Variants in NIN observed in about 807,000 individuals in gnomAD.
NIN encodes the protein ninein.
In NIN, 137 loss-of-function variants were observed where a neutral mutation model predicts 257.6. That is an observed-to-expected ratio of 0.53 (90% CI 0.46 to 0.61). The LOEUF is 0.61. Among genes scored for constraint, NIN ranks in the 20% least tolerant of loss-of-function variants. The probability of loss-of-function intolerance (pLI) is 0.00; values close to 1 mark genes in which losing one functional copy is unlikely to be tolerated. For missense variants in NIN, 2,439 were observed against 2,501.2 expected (o/e 0.98, Z 0.53); for synonymous variants, 918 against 919.8 (o/e 1.00, Z 0.04).
chr14:50,809,837 T>G (rs2044498582), intron 3 of NIN, among the ~76,000 whole-genome samples: 1 of 152,158 alleles, frequency 6.6e-6, no homozygotes, highest in Admixed American at 6.5e-5. Context: ...ATAAGCTTCA[T>G]TTATATGGAG....
At chr14:50,789,486 G>T (rs2043489710) in intron 5 of NIN, among the ~76,000 whole-genome samples, 1 of 152,214 alleles carries the variant, frequency 6.6e-6, no homozygotes, top group Non-Finnish European at 1.5e-5. Flanking sequence ...GTGGAGAATT[G>T]CTTGAACCTG....
Position 50,756,643 on chromosome 14 carries a change from C to T in NIN, c.4387G>A (p.Glu1463Lys). The change falls in exon 18 of 31, where the codon GAG (glutamate) becomes AAG (lysine). Residue 1463 changes from glutamate (E) to lysine (K), a missense_variant. Glu to Lys is a moderately conservative substitution (Grantham distance 56). Around this residue, in one of 3 missense-constraint regions of NIN, gnomAD observed 2,043 missense variants for 2,050.2 expected, o/e 1.00. Coordinates refer to ENST00000530997, the MANE Select transcript of NIN (RefSeq NM_020921.4). ...ELELEKTKLQ[E>K]LTRKLKERVT... ...CTCTCCTTCAACTTCCTAGTCAGCT[C>T]CTGTAACTTTGTTTTCTCCAGTTCT... 1 of 1,555,560 alleles carries T rather than the reference C, an allele frequency of 6.4e-7. No homozygotes were observed. The highest frequency in any genetic ancestry group is 8.7e-7 in the Non-Finnish European group (1 of 1,148,624).
In NIN at chr14:50,760,275, C is replaced by T. The variant is rs772894831; in HGVS notation, c.1981G>A (p.Glu661Lys). 15 of 1,610,240 alleles carry T rather than the reference C, an allele frequency of 9.3e-6. No individual in the cohort carries two copies. Among genetic ancestry groups the T allele is most frequent in the Admixed American group, 1.7e-5 (1 of 59,992 alleles). Reference sequence around the variant, plus strand: ...ATTTGTTTTTCTAAGGTGTGCGTTTCGTTCTCATGCCTTTGCTTCATGTTC... The same window carrying T: ...ATTTGTTTTTCTAAGGTGTGCGTTTTGTTCTCATGCCTTTGCTTCATGTTC... ...QENMKQRHEN[E>K]THTLEKQISD... Residue 661 changes from glutamate (E) to lysine (K), a missense_variant, in exon 17 of 31, where the codon GAA becomes AAA. Glu to Lys is a moderately conservative substitution (Grantham distance 56, BLOSUM62 1). Coordinates refer to ENST00000530997, the MANE Select transcript of NIN (RefSeq NM_020921.4).
chr14:50,739,431 C>A lies in NIN; in HGVS notation c.5505G>T (p.Arg1835Ser), dbSNP rs199554057. 1.2e-6 allele frequency: 2 copies of A among 1,614,214 alleles called. No individual in the cohort carries two copies. The highest frequency in any genetic ancestry group is 1.7e-6 in the Non-Finnish European group (2 of 1,180,034). ...HPSGLHNQQK[R>S]LSWDKLDHLM... ...GATGATCCAACTTGTCCCAGGACAG[C>A]CTTTTCTGCTGGTTATGGAGCCCTG... The change falls in exon 26 of 31, where the codon AGG becomes AGT. Residue 1835 changes from arginine (R) to serine (S), a missense_variant. Around this residue, in one of 3 missense-constraint regions of NIN, gnomAD observed 2,043 missense variants for 2,050.2 expected, o/e 1.00. Coordinates refer to ENST00000530997, the MANE Select transcript of NIN (RefSeq NM_020921.4).
chr14:50,735,407 T>C (rs2040927063), intron 28 of NIN, 109 bp downstream of exon 28: 2 of 1,429,788 alleles, frequency 1.4e-6, no homozygotes, highest in South Asian at 1.5e-5. Flanking sequence ...GCAGTGTACT[T>C]AGATTTTCAC....
rs374545249 is a variant in NIN, at chr14:50,738,296, A to G, written c.5629-10T>C. The G allele has an allele frequency of 5.6e-6, 9 of 1,609,794 alleles. No individual in the cohort carries two copies. The Admixed American group carries it at 8.5e-5, about 15-fold the overall frequency. The stretch of plus-strand genomic sequence containing the variant: ...ATTCCAACTGACGGACCTAACAGGA[A>G]CAAATGTAAGAGGAAAAAATGCTAA... On this transcript the variant is annotated splice_polypyrimidine_tract_variant and intron_variant, in intron 26 of 30. Transcript: ENST00000530997.
chr14:50,767,642 C>T (rs1042050089), intron 12 of NIN, among the ~76,000 whole-genome samples: 5 of 152,006 alleles, frequency 3.3e-5, no homozygotes, highest in Middle Eastern at 3.4e-3. Flanking sequence ...ACGGTGAAAC[C>T]CCGTCTCTAC....
At chr14:50,820,882 A>G (rs2045183177) in intron 3 of NIN, among the ~76,000 whole-genome samples, 3 of 152,230 alleles carry the variant, frequency 2.0e-5, no homozygotes, top group African/African-American at 4.8e-5. Flanking sequence ...CAGAAAGCCA[A>G]TACATGGTAC....
intron 4 of NIN, among the ~76,000 whole-genome samples, chr14:50,797,818 T>G (rs2043909220): frequency 1.4e-5 from 2 of 143,544 alleles, no homozygotes; most frequent in Admixed American, 6.9e-5. Flanking sequence ...GGGAAAGAAG[T>G]GGGTGGGGAA....
intron 28 of NIN, among the ~76,000 whole-genome samples, chr14:50,730,168 A>G (rs1417679827): frequency 6.6e-6 from 1 of 152,344 alleles, no homozygotes; most frequent in African/African-American, 2.4e-5. Flanking sequence ...CCAAGTTAGC[A>G]ATTTTTTTTG....
At chr14:50,825,545 C>T (rs961525697) in intron 2 of NIN, among the ~76,000 whole-genome samples, 2 of 152,156 alleles carry the variant, frequency 1.3e-5, no homozygotes, top group Non-Finnish European at 2.9e-5. Flanking sequence ...CTCATTTTCC[C>T]ACGCAAGATG....
chr14:50,764,524 G>T (rs2042397653), intron 14 of NIN, among the ~76,000 whole-genome samples: 1 of 152,048 alleles, frequency 6.6e-6, no homozygotes, highest in Non-Finnish European at 1.5e-5. Flanking sequence ...ACAAAAACGT[G>T]CGCACAAATT....
chr14:50,768,052 AACACACACACACACACACACACACACAC>A (rs61028485), intron 12 of NIN, among the ~76,000 whole-genome samples: 59 of 139,068 alleles, frequency 4.2e-4, no homozygotes, highest in Non-Finnish European at 8.9e-4. Context: ...CACATTTGCC[AACACACACACACACACACACACACACAC>A]ACACACACAC....
In NIN at chr14:50,756,792, T is replaced by A. The variant is rs1380579655; in HGVS notation, c.4238A>T (p.His1413Leu). The change falls in exon 18 of 31, where the codon CAT becomes CTT. Residue 1413 changes from histidine to leucine, a missense_variant. Physicochemically the swap from His to Leu is moderately conservative, Grantham distance 99 (BLOSUM62 -3). Coordinates refer to ENST00000530997, the MANE Select transcript of NIN (RefSeq NM_020921.4). ...KVKAHEIAWL[H>L]GTIQTHQERP... ...TTCTTGATGTGTCTGAATTGTTCCA[T>A]GTAACCAGGCAATTTCATGTGCTTT... is the stretch of plus-strand genomic sequence containing the variant. 2.3e-5 allele frequency: 35 copies of A among 1,551,582 alleles called. No individual in the cohort carries two copies. The highest frequency in any genetic ancestry group is 3.0e-5 in the Non-Finnish European group (34 of 1,146,992).
intron 2 of NIN, among the ~76,000 whole-genome samples, chr14:50,828,234 C>T (rs2045553420): frequency 6.6e-6 from 1 of 152,114 alleles, no homozygotes; most frequent in Admixed American, 6.5e-5. Context: ...CTTCTCTTCT[C>T]ACGTCTATGA....
chr14:50,759,662 T>A (rs1052185628), intron 17 of NIN, among the ~76,000 whole-genome samples, 195 bp downstream of exon 17: 1 of 151,984 alleles, frequency 6.6e-6, no homozygotes, highest in African/African-American at 2.4e-5. Context: ...CCCGGCTAAT[T>A]TTTTGTATTT....
chr14:50,723,302 A>G lies in NIN; in HGVS notation c.*161T>C. ...GAAATATGTGAGTATTTATTTTCAA[A>G]CTCCCATAAGGGTCTATTTAGAAAA... On this transcript the variant is annotated 3_prime_UTR_variant, in exon 31 of 31. Transcript: ENST00000530997. 1 of 509,000 alleles carries G rather than the reference A, an allele frequency of 2.0e-6. No homozygotes were observed. The highest frequency in any genetic ancestry group is 3.1e-5 in the East Asian group (1 of 32,724). 31.5% of individuals were successfully genotyped at this position (509,000 alleles called of 1,614,324 possible).
intron 3 of NIN, among the ~76,000 whole-genome samples, chr14:50,818,331 A>C (rs965491001): frequency 3.3e-5 from 5 of 151,920 alleles, no homozygotes; most frequent in South Asian, 2.1e-4. Flanking sequence ...AAAAAAAAAA[A>C]AAAAAAAACA....
intron 3 of NIN, among the ~76,000 whole-genome samples, chr14:50,816,769 A>C (rs1393680873): frequency 6.6e-6 from 1 of 152,204 alleles, no homozygotes. Flanking sequence ...TAATCACAGA[A>C]ATAAGGCATT....
Sources: allele counts gnomAD v4.1 joint callset (sites outside exome capture counted in the v4.1 genomes callset), GRCh38; gene constraint gnomAD v4.1.1; regional missense constraint gnomAD v4.1.1; transcripts MANE v1.5; gene names NCBI Gene and HGNC (gene_info 2026-07-23, HGNC 2026-07-21).